The following CCSER1 variants were observed in gnomAD, a reference collection of about 807,000 sequenced individuals.
CCSER1 encodes serine-rich coiled-coil domain-containing protein 1.
Under a neutral mutation model 82.0 loss-of-function variants are expected in CCSER1, and 41 were observed. The observed-to-expected ratio is 0.50, with a 90% CI of 0.39 to 0.65. CCSER1 has a LOEUF of 0.65. Among genes scored for constraint, CCSER1 ranks in the 30% least tolerant of loss-of-function variants. The pLI, the probability that CCSER1 is intolerant of heterozygous loss-of-function variation, is 0.00. For missense variants in CCSER1, 1,119 were observed against 1,064.2 expected (o/e 1.05, Z -0.72); for synonymous variants, 414 against 383.9 (o/e 1.08, Z -0.92).
chr4:91,333,345 A>G (rs2149278794), intron 10 of CCSER1, among the ~76,000 whole-genome samples: 1 of 152,192 alleles, frequency 6.6e-6, no homozygotes, highest in South Asian at 2.1e-4. Flanking sequence ...CACCTGAAAC[A>G]TTATTCATTT....
intron 10 of CCSER1, among the ~76,000 whole-genome samples, chr4:91,219,876 TAAAG>T (rs1024443575): frequency 1.3e-5 from 2 of 152,184 alleles, no homozygotes; most frequent in Non-Finnish European, 2.9e-5. Context: ...ATATCTGTCT[TAAAG>T]AAACAAATTT....
At chr4:91,412,726 C>T (rs1042327254) in intron 10 of CCSER1, among the ~76,000 whole-genome samples, 3 of 152,054 alleles carry the variant, frequency 2.0e-5, no homozygotes, top group African/African-American at 2.4e-5. Flanking sequence ...AAGGTCTTTA[C>T]ATTCTGAGAC....
intron 10 of CCSER1, among the ~76,000 whole-genome samples, chr4:91,444,379 A>G (rs190077601): frequency 6.6e-6 from 1 of 152,174 alleles, no homozygotes; most frequent in Non-Finnish European, 1.5e-5. Flanking sequence ...GTAATCATCA[A>G]TAATAGGAAA....
At chr4:91,158,988 C>T (rs764584037) in intron 10 of CCSER1, among the ~76,000 whole-genome samples, 2 of 151,942 alleles carry the variant, frequency 1.3e-5, no homozygotes, top group Non-Finnish European at 2.9e-5. Flanking sequence ...TTCTCTCACT[C>T]TAGGTCTTCC....
At chr4:91,420,504 C>G (rs1321989619) in intron 10 of CCSER1, among the ~76,000 whole-genome samples, 1 of 152,034 alleles carries the variant, frequency 6.6e-6, no homozygotes, top group Non-Finnish European at 1.5e-5. Flanking sequence ...TACTTCACGT[C>G]TCTTAGAATG....
chr4:90,792,168 C>G (rs2149664930), intron 7 of CCSER1, among the ~76,000 whole-genome samples: 1 of 152,240 alleles, frequency 6.6e-6, no homozygotes, highest in South Asian at 2.1e-4. Flanking sequence ...CTGCACAGCA[C>G]AATGTTGACA....
At chr4:90,975,051 A>G (rs2150407759) in intron 9 of CCSER1, among the ~76,000 whole-genome samples, 1 of 151,598 alleles carries the variant, frequency 6.6e-6, no homozygotes, top group African/African-American at 2.4e-5. Flanking sequence ...TGAAATACTG[A>G]TCTATTTTAC....
rs986997469 is a variant in CCSER1, at chr4:90,156,195, C to G, written c.-42+28364C>G. Among the ~76,000 whole-genome samples the G allele has an allele frequency of 2.8e-4, 43 of 152,274 alleles. 1 individual carries two copies. Among genetic ancestry groups the G allele is most frequent in the African/African-American group, 9.9e-4 (41 of 41,552 alleles). On this transcript the variant is annotated intron_variant, in intron 1 of 10. Coordinates refer to ENST00000509176, the MANE Select transcript of CCSER1 (RefSeq NM_001145065.2). Reference sequence around the variant, plus strand: ...TAATTGAGCAGTTTTGGGTGAGTTTCTTAATCCTGAGTTCTAGTTTGATTG... The same window carrying G: ...TAATTGAGCAGTTTTGGGTGAGTTTGTTAATCCTGAGTTCTAGTTTGATTG...
chr4:91,375,597 C>G (rs1270655052), intron 10 of CCSER1, among the ~76,000 whole-genome samples: 1 of 151,320 alleles, frequency 6.6e-6, no homozygotes, highest in Non-Finnish European at 1.5e-5. Flanking sequence ...AACTACAATG[C>G]TTTTCATGGG....
chr4:90,564,647 T>C (rs1307227824), intron 5 of CCSER1, among the ~76,000 whole-genome samples: 1 of 151,982 alleles, frequency 6.6e-6, no homozygotes, highest in Non-Finnish European at 1.5e-5. Context: ...CCAGTAGTTT[T>C]ATGGCTTCAG....
intron 1 of CCSER1, among the ~76,000 whole-genome samples, chr4:90,174,735 GA>G (rs1560743375): frequency 6.6e-6 from 1 of 151,962 alleles, no homozygotes; most frequent in Admixed American, 6.6e-5. Context: ...CCTGAGGCCT[GA>G]AAAAGAAATT....
chr4:90,163,590 GA>G (rs1729891100), intron 1 of CCSER1, among the ~76,000 whole-genome samples: 1 of 152,010 alleles, frequency 6.6e-6, no homozygotes, highest in East Asian at 1.9e-4. Context: ...AACATTTTTA[GA>G]TTTTTTTACA....
chr4:90,421,049 T>G (rs1052362453), intron 4 of CCSER1, among the ~76,000 whole-genome samples: 2 of 152,116 alleles, frequency 1.3e-5, no homozygotes, highest in African/African-American at 2.4e-5. Context: ...TCTAAAGGAA[T>G]AGAATATTTA....
chr4:91,387,508 ATAT>A (rs1212744382), intron 10 of CCSER1, among the ~76,000 whole-genome samples: 1 of 152,054 alleles, frequency 6.6e-6, no homozygotes, highest in Non-Finnish European at 1.5e-5. Flanking sequence ...AATCTATGAA[ATAT>A]TATACTTTAG....
At chr4:91,579,950 G>C (rs963408979) in intron 10 of CCSER1, among the ~76,000 whole-genome samples, 3 of 151,852 alleles carry the variant, frequency 2.0e-5, no homozygotes, top group African/African-American at 7.2e-5. Flanking sequence ...CTCTAAAGTA[G>C]CGTGATGCAT....
rs77687214 is a variant in CCSER1, at chr4:90,991,742, T to A, written c.2172+68295T>A. Among the ~76,000 whole-genome samples the A allele has an allele frequency of 3.7e-4, 57 of 152,110 alleles. 1 individual carries two copies. The East Asian group carries it at 0.01, about 28-fold the overall frequency. On this transcript the variant is annotated intron_variant, in intron 9 of 10. Transcript: ENST00000509176. ...TTAGGACTTAGGACTTCAACATATC[T>A]TTTTAGGAAACACAATTCAATCCAC...
At chr4:90,964,650 G>A (rs1014147506) in intron 9 of CCSER1, among the ~76,000 whole-genome samples, 10 of 150,578 alleles carry the variant, frequency 6.6e-5, no homozygotes, top group Admixed American at 4.0e-4. Context: ...GCATGAACCC[G>A]GGAGGCAGAG....
chr4:90,514,475 C>T (rs1771968029), intron 5 of CCSER1, among the ~76,000 whole-genome samples: 1 of 152,116 alleles, frequency 6.6e-6, no homozygotes, highest in South Asian at 2.1e-4. Context: ...ACATTTTAGG[C>T]CAGACACAGT....
intron 5 of CCSER1, among the ~76,000 whole-genome samples, chr4:90,524,062 A>C (rs1310159120): frequency 6.6e-6 from 1 of 152,136 alleles, no homozygotes; most frequent in Non-Finnish European, 1.5e-5. Flanking sequence ...CAAGTGAAAA[A>C]AAACATATAT....
Sources: gnomAD v4.1 joint callset for allele counts (sites outside exome capture counted in the v4.1 genomes callset) on GRCh38, gnomAD v4.1.1 for gene constraint, MANE v1.5 for transcripts, NCBI Gene and HGNC (gene_info 2026-07-23, HGNC 2026-07-21) for gene names.